FSD1L: variants seen among roughly 807,000 people sequenced by gnomAD.
FSD1L encodes the protein fibronectin type III and SPRY domain containing 1 like.
A neutral mutation model predicts 71.6 loss-of-function variants in FSD1L; 45 were observed. That is an observed-to-expected ratio of 0.63 (90% CI 0.49 to 0.81). FSD1L has a LOEUF of 0.81. FSD1L is among the 30% of genes least tolerant of loss of function. The pLI is 0.00. For synonymous variants in FSD1L, 197 were observed against 207.2 expected (o/e 0.95, Z 0.42); for missense variants, 561 against 618.1 (o/e 0.91, Z 0.98).
At chr9:105,448,370 A>G (rs1294447981) in intron 1 of FSD1L, 135 bp downstream of exon 1, 7 of 807,594 alleles carry the variant, frequency 8.7e-6, no homozygotes, top group Non-Finnish European at 1.2e-5. Context: ...TGCGGAGGGC[A>G]AGGCCGCCCG....
In FSD1L at chr9:105,448,077, TG is replaced by T; in HGVS notation, c.-141del. ...CGGCGTGACTACGGCGCGCGCGGTC[TG>T]GGCGCGGACGGGTGGGGCCGGGCGG... On this transcript the variant is annotated 5_prime_UTR_variant, in exon 1 of 14. Transcript: ENST00000481272. 1 of 927,880 alleles carries T rather than the reference TG, an allele frequency of 1.1e-6. No individual in the cohort carries two copies. The highest frequency in any genetic ancestry group is 1.7e-6 in the Non-Finnish European group (1 of 599,040). The allele number at this position is 927,880 out of a possible 1,614,324, so 57.5% of individuals were successfully genotyped here.
chr9:105,493,139 C>T (rs1833079293), intron 7 of FSD1L, among the ~76,000 whole-genome samples: 1 of 152,066 alleles, frequency 6.6e-6, no homozygotes, highest in South Asian at 2.1e-4. Flanking sequence ...GAGTCTAAGT[C>T]TCTTTGTAGG....
chr9:105,462,364 G>A (rs1191276211), intron 2 of FSD1L, among the ~76,000 whole-genome samples: 5 of 151,272 alleles, frequency 3.3e-5, no homozygotes, highest in Admixed American at 6.6e-5. Flanking sequence ...GGGATTACAG[G>A]CGCCCATCAC....
chr9:105,469,092 A>G lies in FSD1L; in HGVS notation c.339+768A>G, dbSNP rs183094948. ...TTATTCATGTTATATAGCATGTGCT[A>G]GGATTTCCTCCTTTTTTGTGGTTGA... is the stretch of plus-strand genomic sequence containing the variant. On this transcript the variant is annotated intron_variant, in intron 4 of 13. Coordinates refer to ENST00000481272, the MANE Select transcript of FSD1L (RefSeq NM_001145313.3). 5.3e-5 allele frequency among the ~76,000 whole-genome samples: 8 copies of G among 152,356 alleles called. No individual in the cohort carries two copies. The East Asian group carries it at 1.5e-3, about 29-fold the overall frequency.
upstream of FSD1L, among the ~76,000 whole-genome samples, chr9:105,443,324 G>C (rs1189941173): frequency 7.7e-6 from 1 of 129,948 alleles, no homozygotes; most frequent in East Asian, 2.0e-4. Flanking sequence ...GCAGATGAAA[G>C]ACAGCTTTCA....
intron 3 of FSD1L, among the ~76,000 whole-genome samples, chr9:105,466,373 G>GA (rs1419655048): frequency 6.6e-6 from 1 of 152,072 alleles, no homozygotes; most frequent in African/African-American, 2.4e-5. Context: ...CACAGAAATA[G>GA]AAAAAATTCT....
chr9:105,481,748 G>C (rs528063594), intron 6 of FSD1L, among the ~76,000 whole-genome samples: 3 of 151,460 alleles, frequency 2.0e-5, no homozygotes, highest in Admixed American at 6.6e-5. Context: ...AATAATTACT[G>C]TAGCTATTTT....
At chr9:105,516,721 C>T (rs1423700227) in intron 10 of FSD1L, among the ~76,000 whole-genome samples, 2 of 152,154 alleles carry the variant, frequency 1.3e-5, no homozygotes. Flanking sequence ...TGGGGAGAAA[C>T]CAGCGCAAAA....
intron 13 of FSD1L, among the ~76,000 whole-genome samples, chr9:105,542,199 G>T (rs1332199356): frequency 6.6e-6 from 1 of 152,160 alleles, no homozygotes; most frequent in African/African-American, 2.4e-5. Context: ...TTCCAAAGTG[G>T]CTGTACCATT....
chr9:105,486,670 T>C (rs1020689738), intron 7 of FSD1L, among the ~76,000 whole-genome samples: 2 of 152,188 alleles, frequency 1.3e-5, no homozygotes, highest in Non-Finnish European at 2.9e-5. Context: ...ACATTCCTAA[T>C]ATAATTTCCA....
At chr9:105,482,956 G>C (rs1003725674) in intron 6 of FSD1L, among the ~76,000 whole-genome samples, 3 of 152,158 alleles carry the variant, frequency 2.0e-5, no homozygotes, top group Non-Finnish European at 2.9e-5. Flanking sequence ...TGAGCATTTA[G>C]TAAGTACGTA....
Position 105,522,498 on chromosome 9 carries a change from A to G in FSD1L, c.1025+9562A>G, listed in dbSNP as rs374123572. ...TCCAGGAACCGAAAAGGCGAGGAGT[A>G]TAGTACGGCAAAAAACTGTCGATAT... On this transcript the variant is annotated intron_variant, in intron 10 of 13. Coordinates refer to ENST00000481272, the MANE Select transcript of FSD1L (RefSeq NM_001145313.3). The G allele has an allele frequency of 3.1e-6, 5 of 1,613,720 alleles. No individual in the cohort carries two copies. In the African/African-American group the frequency reaches 4.0e-5, roughly 13 times the overall value.
chr9:105,456,346 A>G (rs560127287), intron 1 of FSD1L, among the ~76,000 whole-genome samples: 2 of 152,300 alleles, frequency 1.3e-5, no homozygotes, highest in Non-Finnish European at 2.9e-5. Context: ...GAGGATAATA[A>G]TAGTAACTTA....
In FSD1L at chr9:105,549,653, A is replaced by C. The variant is rs1837188903; in HGVS notation, c.*3170A>C. 1 of 152,008 alleles carries C rather than the reference A, an allele frequency of 6.6e-6. No homozygotes were observed. Among genetic ancestry groups the C allele is most frequent in the Admixed American group, 6.6e-5 (1 of 15,244 alleles). 9.4% of individuals were successfully genotyped at this position (152,008 alleles called of 1,614,324 possible). Reference sequence around the variant, plus strand: ...GAAGAGAGACATATTGGCTTGCTTTAATTTACTTATTTATGAAATTAAAGC... The same window carrying C: ...GAAGAGAGACATATTGGCTTGCTTTCATTTACTTATTTATGAAATTAAAGC... On this transcript the variant is annotated 3_prime_UTR_variant, in exon 14 of 14. Transcript: ENST00000481272.
In FSD1L at chr9:105,525,201, A is replaced by G. The variant is rs1270988991; in HGVS notation, c.1026-9292A>G. 5 of 1,602,798 alleles carry G rather than the reference A, an allele frequency of 3.1e-6. No homozygotes were observed. The African/African-American group carries it at 5.4e-5, about 17-fold the overall frequency. On this transcript the variant is annotated intron_variant, in intron 10 of 13. Transcript: ENST00000481272. Reference sequence around the variant, plus strand: ...CCGACATCTAATGAATGCTTAGAAGATATAACCGTAAAAGATGGACTTTCC... The same window carrying G: ...CCGACATCTAATGAATGCTTAGAAGGTATAACCGTAAAAGATGGACTTTCC...
At chr9:105,460,039 A>G (rs188204310) in intron 1 of FSD1L, among the ~76,000 whole-genome samples, 64 of 152,332 alleles carry the variant, frequency 4.2e-4, no homozygotes, top group Non-Finnish European at 6.2e-4. Context: ...TCTTCAAAGA[A>G]TGAGACTGTG....
intron 10 of FSD1L, chr9:105,522,867 C>A: frequency 6.8e-6 from 11 of 1,607,738 alleles, no homozygotes; most frequent in Non-Finnish European, 9.3e-6. Flanking sequence ...CAAAGACCTC[C>A]CTGATATTCT....
chr9:105,484,307 T>G, intron 6 of FSD1L, 74 bp from the exon 7 acceptor site: 2 of 1,172,632 alleles, frequency 1.7e-6, no homozygotes, highest in Non-Finnish European at 2.3e-6. Flanking sequence ...ATTTGTCTTT[T>G]CATTTTATAA....
At chr9:105,476,672 A>T (rs1285928303) in intron 5 of FSD1L, among the ~76,000 whole-genome samples, 1 of 152,210 alleles carries the variant, frequency 6.6e-6, no homozygotes, top group South Asian at 2.1e-4. Flanking sequence ...CAATTTTGTA[A>T]TTGACAAAAG....
Sources: gnomAD v4.1 joint callset for allele counts (sites outside exome capture counted in the v4.1 genomes callset) on GRCh38, gnomAD v4.1.1 for gene constraint, MANE v1.5 for transcripts, NCBI Gene and HGNC (gene_info 2026-07-23, HGNC 2026-07-21) for gene names.